Variants in PPP4R4 observed in about 807,000 individuals in gnomAD.
The protein encoded by PPP4R4 is protein phosphatase 4 regulatory subunit 4.
PPP4R4 carries 70 observed loss-of-function variants against 121.8 expected under a neutral mutation model. That is an observed-to-expected ratio of 0.57 (90% CI 0.47 to 0.70). The LOEUF (loss-of-function observed/expected upper bound fraction) is 0.70. Ranked by LOEUF, PPP4R4 falls within the 30% of genes least tolerant of loss-of-function variation. The probability of loss-of-function intolerance (pLI) is 0.00; values close to 1 mark genes in which losing one functional copy is unlikely to be tolerated. For missense variants in PPP4R4, 875 were observed against 1,033.6 expected, an observed-to-expected ratio of 0.85 and a Z score of 2.10; for synonymous variants, 348 against 355.7, an observed-to-expected ratio of 0.98 and a Z score of 0.24.
At chr14:94,256,690 G>C in intron 17 of PPP4R4, 86 bp downstream of exon 17, 1 of 1,256,708 alleles carries the variant, frequency 8.0e-7, no homozygotes, top group Non-Finnish European at 1.1e-6. Flanking sequence ...TGACAGGATA[G>C]CAATATATTA....
intron 24 of PPP4R4, among the ~76,000 whole-genome samples, chr14:94,277,393 G>C (rs1894702846): frequency 6.6e-6 from 1 of 152,178 alleles, no homozygotes; most frequent in Non-Finnish European, 1.5e-5. Flanking sequence ...AAGTGGTTGT[G>C]CAAAGTTCAA....
intron 9 of PPP4R4, among the ~76,000 whole-genome samples, chr14:94,241,197 C>G (rs941977917): frequency 1.3e-5 from 2 of 152,014 alleles, no homozygotes; most frequent in African/African-American, 2.4e-5. Flanking sequence ...TGCCATAACT[C>G]TTGGCATTTT....
At chr14:94,248,140 A>T (rs1032207369) in intron 14 of PPP4R4, among the ~76,000 whole-genome samples, 1 of 152,218 alleles carries the variant, frequency 6.6e-6, no homozygotes, top group African/African-American at 2.4e-5. Flanking sequence ...TTTGCTGATG[A>T]TATGATTCTA....
At chr14:94,234,378 A>C (rs1190923665) in intron 6 of PPP4R4, among the ~76,000 whole-genome samples, 184 bp from the exon 7 acceptor site, 1 of 152,234 alleles carries the variant, frequency 6.6e-6, no homozygotes, top group African/African-American at 2.4e-5. Flanking sequence ...GATATACATA[A>C]TTTACAAGTA....
At chr14:94,201,227 C>G (rs1306369068) in intron 2 of PPP4R4, among the ~76,000 whole-genome samples, 1 of 152,102 alleles carries the variant, frequency 6.6e-6, no homozygotes, top group African/African-American at 2.4e-5. Flanking sequence ...TTTATTGAGA[C>G]TTGTTTTGTG....
chr14:94,256,783 A>G (rs541293586), intron 17 of PPP4R4, among the ~76,000 whole-genome samples, 179 bp downstream of exon 17: 50 of 152,298 alleles, frequency 3.3e-4, no homozygotes, highest in African/African-American at 8.9e-4. Context: ...GAAACTTTCG[A>G]AGGGCACCTA....
At chr14:94,220,430 C>T (rs765803946) in intron 3 of PPP4R4, among the ~76,000 whole-genome samples, 1 of 151,892 alleles carries the variant, frequency 6.6e-6, no homozygotes, top group Non-Finnish European at 1.5e-5. Context: ...AAAGAAAAAG[C>T]ATTCACATTG....
At chr14:94,277,314 A>G (rs1894698288) in intron 24 of PPP4R4, among the ~76,000 whole-genome samples, 1 of 152,168 alleles carries the variant, frequency 6.6e-6, no homozygotes. Flanking sequence ...AAAAAAAGTC[A>G]TGAAAACAGA....
chr14:94,181,403 A>G (rs746405025), intron 2 of PPP4R4, among the ~76,000 whole-genome samples: 9 of 152,236 alleles, frequency 5.9e-5, no homozygotes, highest in African/African-American at 2.2e-4. Context: ...ATTAAGATAG[A>G]TAGTTGGTTA....
At chr14:94,187,154 A>G (rs1889329268) in intron 2 of PPP4R4, among the ~76,000 whole-genome samples, 1 of 152,080 alleles carries the variant, frequency 6.6e-6, no homozygotes, top group South Asian at 2.1e-4. Context: ...TCTACTAAAA[A>G]TACAAAAATT....
In PPP4R4 at chr14:94,218,272, A is replaced by G. The variant is rs1316822825; in HGVS notation, c.294+9706A>G. On this transcript the variant is annotated intron_variant, in intron 3 of 24. Transcript: ENST00000304338. ...AGAATTATTTAAAGAAATACTAGCC[A>G]GGACAAAGCATAGATCTAAGAAGAC... 3.3e-5 allele frequency among the ~76,000 whole-genome samples: 5 copies of G among 152,288 alleles called. No homozygotes were observed. The East Asian group carries it at 9.7e-4, about 29-fold the overall frequency.
intron 2 of PPP4R4, among the ~76,000 whole-genome samples, chr14:94,204,200 A>G (rs948234993): frequency 3.3e-5 from 5 of 152,042 alleles, no homozygotes; most frequent in African/African-American, 1.2e-4. Flanking sequence ...TTGAGAAGTG[A>G]TTAGTTTTAT....
Position 94,212,256 on chromosome 14 carries a change from A to G in PPP4R4, c.294+3690A>G, listed in dbSNP as rs74679724. Among the ~76,000 whole-genome samples the G allele has an allele frequency of 0.018, 2,718 of 152,338 alleles. 212 individuals are homozygous for G. The South Asian group carries it at 0.19, about 11-fold the overall frequency. ...GATTAATTGAAAAGTGATTTAAAAAATAGGTTGCTTTCACTGTTTTAGAGA... is the reference window on the plus strand; with the variant it reads ...GATTAATTGAAAAGTGATTTAAAAAGTAGGTTGCTTTCACTGTTTTAGAGA... On this transcript the variant is annotated intron_variant, in intron 3 of 24. Coordinates refer to ENST00000304338, the MANE Select transcript of PPP4R4 (RefSeq NM_058237.2).
chr14:94,207,119 C>T (rs1424633266), intron 2 of PPP4R4, among the ~76,000 whole-genome samples: 1 of 152,032 alleles, frequency 6.6e-6, no homozygotes. Context: ...CTCTTTATCT[C>T]AAGAGCCCTT....
intron 23 of PPP4R4, among the ~76,000 whole-genome samples, chr14:94,270,231 A>G (rs1379690339): frequency 6.6e-6 from 1 of 152,220 alleles, no homozygotes; most frequent in Non-Finnish European, 1.5e-5. Flanking sequence ...GAAAGAAGCT[A>G]AAGACCTAAA....
At chr14:94,244,077 A>G (rs1302225361) in intron 11 of PPP4R4, among the ~76,000 whole-genome samples, 1 of 152,128 alleles carries the variant, frequency 6.6e-6, no homozygotes. Flanking sequence ...CCGAGTTTAT[A>G]AGGAGGAGAC....
At chr14:94,227,780 A>G (rs971502235) in intron 3 of PPP4R4, 26 of 988,940 alleles carry the variant, frequency 2.6e-5, no homozygotes, top group Non-Finnish European at 3.0e-5. Flanking sequence ...TGTGGCCCTC[A>G]CAATTGATTT....
intron 2 of PPP4R4, among the ~76,000 whole-genome samples, chr14:94,178,249 C>T (rs187865229): frequency 6.6e-6 from 1 of 151,956 alleles, no homozygotes; most frequent in South Asian, 2.1e-4. Flanking sequence ...TTGTACTTTG[C>T]TGAGTCCTTT....
chr14:94,265,766 T>G (rs767925276), intron 21 of PPP4R4, 28 bp from the exon 22 acceptor site: 2 of 1,495,586 alleles, frequency 1.3e-6, no homozygotes, highest in Non-Finnish European at 1.9e-6. Flanking sequence ...ACTGAATACA[T>G]TTTTCTTTTT....
Sources: gnomAD v4.1 joint callset for allele counts (sites outside exome capture counted in the v4.1 genomes callset) on GRCh38, gnomAD v4.1.1 for gene constraint, MANE v1.5 for transcripts, NCBI Gene and HGNC (gene_info 2026-07-23, HGNC 2026-07-21) for gene names.